Variants in EEA1 observed in about 807,000 individuals in gnomAD.
The protein encoded by EEA1 is early endosome antigen 1, also known as early endosome antigen 1, 162kD.
Under a neutral mutation model 209.2 loss-of-function variants are expected in EEA1, and 111 were observed. That is an observed-to-expected ratio of 0.53 (90% CI 0.45 to 0.62). The LOEUF is 0.62. Ranked by LOEUF, EEA1 falls within the 20% of genes least tolerant of loss-of-function variation. EEA1 has a pLI of 0.00. For synonymous variants in EEA1, 536 were observed against 540.6 expected, an observed-to-expected ratio of 0.99 and a Z score of 0.12; for missense variants, 1,343 against 1,530.8, an observed-to-expected ratio of 0.88 and a Z score of 2.05.
At chr12:92,923,953 T>C (rs948577303) in intron 1 of EEA1, among the ~76,000 whole-genome samples, 3 of 151,850 alleles carry the variant, frequency 2.0e-5, no homozygotes, top group Non-Finnish European at 2.9e-5. Context: ...AAACACCATT[T>C]TAAAAAAATC....
intron 2 of EEA1, among the ~76,000 whole-genome samples, chr12:92,874,849 T>C (rs944257317): frequency 6.6e-6 from 1 of 152,214 alleles, no homozygotes; most frequent in African/African-American, 2.4e-5. Context: ...AGACAGCCTT[T>C]TGAATGCTCT....
chr12:92,792,719 C>G (rs1248649981), intron 21 of EEA1, among the ~76,000 whole-genome samples: 1 of 152,114 alleles, frequency 6.6e-6, no homozygotes, highest in Non-Finnish European at 1.5e-5. Flanking sequence ...GGAGCTGGTA[C>G]CATTCCTTTT....
chr12:92,838,049 AAAAAC>A (rs1877005699), intron 10 of EEA1, among the ~76,000 whole-genome samples: 1 of 152,262 alleles, frequency 6.6e-6, no homozygotes, highest in African/African-American at 2.4e-5. Context: ...ACCCTTTGGG[AAAAAC>A]AAAACAAAAC....
intron 12 of EEA1, 33 bp downstream of exon 12, chr12:92,827,879 A>G: frequency 1.3e-6 from 2 of 1,509,308 alleles, no homozygotes; most frequent in Non-Finnish European, 1.8e-6. Flanking sequence ...AAGATGCCTC[A>G]AGCCTATCAA....
intron 1 of EEA1, 59 bp downstream of exon 1, chr12:92,928,984 G>A: frequency 2.6e-6 from 4 of 1,538,994 alleles, no homozygotes; most frequent in East Asian, 2.6e-5. Context: ...CCGCGCCGCG[G>A]CCCCGAGCTC....
intron 21 of EEA1, among the ~76,000 whole-genome samples, chr12:92,790,852 A>G (rs1396726653): frequency 6.6e-6 from 1 of 152,204 alleles, no homozygotes; most frequent in Non-Finnish European, 1.5e-5. Context: ...TGAAGGAAAA[A>G]ATGTTAAGGG....
chr12:92,780,767 T>C (rs1873871415), intron 23 of EEA1, among the ~76,000 whole-genome samples: 1 of 152,218 alleles, frequency 6.6e-6, no homozygotes, highest in African/African-American at 2.4e-5. Context: ...TAATCTCTAG[T>C]ATATGTAGAC....
At position 92,828,065 on chromosome 12, in the gene EEA1, T is replaced by A; in HGVS notation, c.1255-4A>T. The A allele has an allele frequency of 3.2e-6, 5 of 1,541,150 alleles. No individual in the cohort carries two copies. The highest frequency in any genetic ancestry group is 1.4e-5 in the African/African-American group (1 of 70,748). ...TCTCCAGAAGTTTGCTATGTAACTT[T>A]AAAAAAAGAAAAAAAAATGTATGTA... On this transcript the variant is annotated splice_region_variant and splice_polypyrimidine_tract_variant and intron_variant, in intron 11 of 28. Coordinates refer to ENST00000322349, the MANE Select transcript of EEA1 (RefSeq NM_003566.4).
At chr12:92,921,395 T>C (rs1293533486) in intron 1 of EEA1, among the ~76,000 whole-genome samples, 1 of 101,432 alleles carries the variant, frequency 9.9e-6, no homozygotes, top group East Asian at 2.1e-4. Context: ...GTGGCACATA[T>C]ACACCATGGA....
intron 1 of EEA1, among the ~76,000 whole-genome samples, chr12:92,915,835 G>C (rs1381307934): frequency 6.6e-6 from 1 of 152,094 alleles, no homozygotes; most frequent in Non-Finnish European, 1.5e-5. Flanking sequence ...TGACCTAAAA[G>C]GATGTCAAAC....
intron 2 of EEA1, among the ~76,000 whole-genome samples, chr12:92,891,141 AT>A (rs1038030091): frequency 1.3e-5 from 2 of 151,886 alleles, no homozygotes; most frequent in Admixed American, 6.6e-5. Flanking sequence ...AATTTTTGGA[AT>A]TTTTTTACTT....
intron 2 of EEA1, among the ~76,000 whole-genome samples, chr12:92,868,633 A>G (rs548609315): frequency 9.2e-5 from 14 of 152,350 alleles, no homozygotes; most frequent in African/African-American, 2.9e-4. Flanking sequence ...CTAATGAGAA[A>G]TTTCAGAAAT....
intron 21 of EEA1, among the ~76,000 whole-genome samples, chr12:92,792,803 C>A (rs1874471529): frequency 6.6e-6 from 1 of 152,102 alleles, no homozygotes; most frequent in Non-Finnish European, 1.5e-5. Context: ...CATCCTGATA[C>A]CAAAGCCCAG....
intron 21 of EEA1, among the ~76,000 whole-genome samples, chr12:92,794,647 C>T (rs1052976085): frequency 3.3e-5 from 5 of 151,526 alleles, no homozygotes; most frequent in South Asian, 2.1e-4. Context: ...AACCACACAC[C>T]GCATGTTCCC....
intron 2 of EEA1, among the ~76,000 whole-genome samples, chr12:92,878,325 A>G (rs928761140): frequency 7.2e-5 from 11 of 152,210 alleles, no homozygotes; most frequent in African/African-American, 2.7e-4. Context: ...GACTGAAGAT[A>G]TATCTGGGGG....
chr12:92,792,163 A>G (rs1874433980), intron 21 of EEA1, among the ~76,000 whole-genome samples: 2 of 152,254 alleles, frequency 1.3e-5, no homozygotes, highest in Non-Finnish European at 2.9e-5. Flanking sequence ...TGCCCACAAC[A>G]GAAAGCAAGA....
intron 20 of EEA1, among the ~76,000 whole-genome samples, chr12:92,801,055 A>G (rs1874886115): frequency 6.6e-6 from 1 of 152,190 alleles, no homozygotes; most frequent in Admixed American, 6.5e-5. Context: ...ACCATATATT[A>G]TACCCATGTG....
intron 1 of EEA1, among the ~76,000 whole-genome samples, chr12:92,895,034 C>T (rs115332208): frequency 0.019 from 2,826 of 152,046 alleles, 96 homozygotes; most frequent in African/African-American, 0.063. Context: ...TCTGAAATTC[C>T]TAGGACCCTT....
At chr12:92,884,888 T>C (rs1312213576) in intron 2 of EEA1, among the ~76,000 whole-genome samples, 2 of 151,994 alleles carry the variant, frequency 1.3e-5, no homozygotes, top group African/African-American at 4.8e-5. Context: ...TTGTGACTAA[T>C]TGTATAACAA....
Sources: allele counts gnomAD v4.1 joint callset (sites outside exome capture counted in the v4.1 genomes callset), GRCh38; gene constraint gnomAD v4.1.1; transcripts MANE v1.5; gene names NCBI Gene and HGNC (gene_info 2026-07-23, HGNC 2026-07-21).